The following CEP250 variants were observed in gnomAD, a reference collection of about 807,000 sequenced individuals.
The protein encoded by CEP250 is centrosomal protein 250, also known as centrosome-associated protein CEP250.
A neutral mutation model predicts 315.7 loss-of-function variants in CEP250; 242 were observed. That is an observed-to-expected ratio of 0.77 (90% CI 0.69 to 0.85). CEP250 has a LOEUF of 0.85. Among genes scored for constraint, CEP250 ranks in the 40% least tolerant of loss-of-function variants. The pLI is 0.00. For synonymous variants in CEP250, 1,088 were observed against 1,175.0 expected (o/e 0.93, Z 1.51); for missense variants, 2,515 against 2,886.4 (o/e 0.87, Z 2.95).
intron 20 of CEP250, chr20:35,480,999 G>C (rs938592349): frequency 2.0e-5 from 3 of 152,050 alleles, no homozygotes; most frequent in Admixed American, 6.6e-5. Flanking sequence ...TGCAACTGTG[G>C]ATGATATATA....
intron 32 of CEP250, 123 bp downstream of exon 32, chr20:35,508,313 GT>G (rs1158439347): frequency 1.8e-6 from 2 of 1,097,522 alleles, no homozygotes; most frequent in Admixed American, 2.4e-5. Flanking sequence ...TGAAAATTAA[GT>G]TTGTTTTTTT....
At chr20:35,465,687 T>G in intron 5 of CEP250, 56 bp from the exon 6 acceptor site, 1 of 1,305,108 alleles carries the variant, frequency 7.7e-7, no homozygotes, top group Non-Finnish European at 1.0e-6. Flanking sequence ...CTTAGGGAAC[T>G]GGTCTGAGTG....
chr20:35,487,486 AAG>A (rs1238272222), intron 20 of CEP250, among the ~76,000 whole-genome samples: 1 of 151,858 alleles, frequency 6.6e-6, no homozygotes, highest in African/African-American at 2.4e-5. Context: ...AAAAAAGAAA[AAG>A]AAACACTCTT....
intron 32 of CEP250, 113 bp from the exon 33 acceptor site, chr20:35,508,830 G>T: frequency 1.3e-6 from 1 of 799,206 alleles, no homozygotes; most frequent in South Asian, 1.7e-5. Context: ...CTCTTCCCAT[G>T]GTTACTGTCC....
rs1193239167 is a variant in CEP250, at chr20:35,517,783, C to T, written c.*6157C>T. ...AAAAAAAAAAATTAAAGAAGTTAAA[C>T]AGTGCCGGGCTTGGGGGCTCACGCC... On this transcript the variant is annotated 3_prime_UTR_variant, in exon 35 of 35. Transcript: ENST00000397527. 1 of 149,712 alleles carries T rather than the reference C, an allele frequency of 6.7e-6. No individual in the cohort carries two copies. Among genetic ancestry groups the T allele is most frequent in the Non-Finnish European group, 1.5e-5 (1 of 67,650 alleles). 9.3% of individuals were successfully genotyped at this position (149,712 alleles called of 1,614,324 possible). A position where few individuals can be genotyped will look rare whatever the true frequency, so the allele number is the denominator to read the frequency against.
Position 35,494,672 on chromosome 20 carries a change from C to T in CEP250, c.3167+15C>T, listed in dbSNP as rs370930613. On this transcript the variant is annotated intron_variant, in intron 24 of 34. Coordinates refer to ENST00000397527, the MANE Select transcript of CEP250 (RefSeq NM_007186.6). ...GAGAAAGCCAGGTAGGCTAGATAGG[C>T]CATGGAGGTGGCTTTTGTCTATCTG... The T allele has an allele frequency of 1.2e-6, 2 of 1,613,034 alleles. No homozygotes were observed. Among genetic ancestry groups the T allele is most frequent in the Non-Finnish European group, 1.7e-6 (2 of 1,179,618 alleles).
rs531261414 is a variant in CEP250, at chr20:35,490,900, G to A, written c.2754+96G>A. 12 of 1,436,252 alleles carry A rather than the reference G, an allele frequency of 8.4e-6. No individual in the cohort carries two copies. The East Asian group carries it at 2.3e-4, about 27-fold the overall frequency. The allele number at this position is 1,436,252 out of a possible 1,614,324, so 89.0% of individuals were successfully genotyped here. On this transcript the variant is annotated intron_variant, in intron 21 of 34. Coordinates refer to ENST00000397527, the MANE Select transcript of CEP250 (RefSeq NM_007186.6). ...ACTCCCAAGAGGAGTGCTGCAGAGG[G>A]GCTTCCAGAAGAGAGGGTAGCTACC...
Position 35,496,732 on chromosome 20 carries a change from T to A in CEP250, c.3306+17T>A, listed in dbSNP as rs755605801. The stretch of plus-strand genomic sequence containing the variant: ...AGTGCTCAGGTACTTCCCACTCTGG[T>A]TATGAGCTCTGCATCCCTGGCAGAA... On this transcript the variant is annotated intron_variant, in intron 25 of 34. Coordinates refer to ENST00000397527, the MANE Select transcript of CEP250 (RefSeq NM_007186.6). The A allele has an allele frequency of 1.9e-5, 30 of 1,607,862 alleles. No individual in the cohort carries two copies. Among genetic ancestry groups the A allele is most frequent in the Middle Eastern group, 3.4e-4 (2 of 5,962 alleles).
In CEP250 at chr20:35,480,164, C is replaced by T. The variant is rs8118913; in HGVS notation, c.2586+19C>T. 2.6e-3 allele frequency: 4,147 copies of T among 1,599,346 alleles called. 92 individuals carry two copies. The African/African-American group carries it at 0.047, about 18-fold the overall frequency. ...GAAATGGGTAAGTGGTCAATGTGGC[C>T]GGGTATGGCCTCCCTTCCATGAGTG... On this transcript the variant is annotated intron_variant, in intron 20 of 34. Coordinates refer to ENST00000397527, the MANE Select transcript of CEP250 (RefSeq NM_007186.6).
chr20:35,488,089 G>C (rs1394633556), intron 20 of CEP250, among the ~76,000 whole-genome samples: 1 of 152,212 alleles, frequency 6.6e-6, no homozygotes, highest in African/African-American at 2.4e-5. Context: ...GTGGTGTAAA[G>C]GTGGCACTTT....
chr20:35,472,736 G>A lies in CEP250; in HGVS notation c.1114G>A (p.Asp372Asn). 1.2e-6 allele frequency: 2 copies of A among 1,614,130 alleles called. No homozygotes were observed. Among genetic ancestry groups the A allele is most frequent in the Non-Finnish European group, 1.7e-6 (2 of 1,179,980 alleles). The change falls in exon 12 of 35, where the codon GAC becomes AAC. Residue 372 changes from aspartate to asparagine, a missense_variant. Physicochemically the swap from Asp to Asn is conservative, Grantham distance 23. Transcript: ENST00000397527. ...GSGHENSLEL[D>N]SSIFSQFDYQ... ...TGGTCATGAGAACTCTTTGGAATTGGACTCTAGTATCTTCTCCCAGTTTGA... is the reference window on the plus strand; with the variant it reads ...TGGTCATGAGAACTCTTTGGAATTGAACTCTAGTATCTTCTCCCAGTTTGA...
chr20:35,485,907 C>T (rs1338162729), intron 20 of CEP250, among the ~76,000 whole-genome samples: 1 of 149,962 alleles, frequency 6.7e-6, no homozygotes, highest in Non-Finnish European at 1.5e-5. Context: ...GGTAATCTGC[C>T]CACCTTGGCC....
intron 30 of CEP250, among the ~76,000 whole-genome samples, chr20:35,507,382 GGCCACTGGGTAC>G (rs1377636074): frequency 6.6e-6 from 1 of 152,100 alleles, no homozygotes; most frequent in Non-Finnish European, 1.5e-5. Flanking sequence ...TGGCTATATG[GGCCACTGGGTAC>G]GCCACAGGGC....
Position 35,503,043 on chromosome 20 carries a change from G to A in CEP250, c.4674G>A (p.Leu1558=). ...LKKQLVTLEC[L]ALELEENHHK... ...AGCAGTTGGTTACTCTGGAATGCCT[G>A]GCCCTGGAACTGGAGGAAAACCATC... The change falls in exon 30 of 35, where the codon CTG becomes CTA. Residue 1558 remains leucine, a synonymous_variant. Transcript: ENST00000397527. This position sits in a 1 kb window ranked among gnomAD's most constrained non-coding sequence, Gnocchi z 4.2. 1 of 1,614,204 alleles carries A rather than the reference G, an allele frequency of 6.2e-7. No individual in the cohort carries two copies.
chr20:35,503,199 G>A lies in CEP250; in HGVS notation c.4830G>A (p.Gln1610=), dbSNP rs779375948. The change falls in exon 30 of 35, where the codon CAG becomes CAA. Residue 1610 remains glutamine (Q), a synonymous_variant. Coordinates refer to ENST00000397527, the MANE Select transcript of CEP250 (RefSeq NM_007186.6). The surrounding 1 kb of genome is among the most constrained non-coding windows in gnomAD (Gnocchi z 4.2). Reference sequence around the variant, plus strand: ...AGGAGCTGCAGGCACAAAGCAGCCAGATCCATGACCTGGAGAGCCACAGCA... The same window carrying A: ...AGGAGCTGCAGGCACAAAGCAGCCAAATCCATGACCTGGAGAGCCACAGCA... ...RSQELQAQSS[Q]IHDLESHSTV... The A allele has an allele frequency of 6.2e-7, 1 of 1,614,162 alleles. No homozygotes were observed. The highest frequency in any genetic ancestry group is 8.5e-7 in the Non-Finnish European group (1 of 1,180,014).
intron 7 of CEP250, 48 bp downstream of exon 7, chr20:35,466,252 G>T (rs754140208): frequency 1.6e-5 from 24 of 1,543,628 alleles, no homozygotes; most frequent in Non-Finnish European, 3.5e-6. Flanking sequence ...TGTGTATTCT[G>T]GATGCTGCCC....
Position 35,516,879 on chromosome 20 carries a change from T to C in CEP250, c.*5253T>C, listed in dbSNP as rs2064440845. ...CATCCAGAAGCAATGGCAGGTGTTA[T>C]CCATTCATTCAGGTTAGACCTCTGA... On this transcript the variant is annotated 3_prime_UTR_variant, in exon 35 of 35. Coordinates refer to ENST00000397527, the MANE Select transcript of CEP250 (RefSeq NM_007186.6). The C allele has an allele frequency of 1.9e-6, 1 of 539,144 alleles. No homozygotes were observed. Among genetic ancestry groups the C allele is most frequent in the Non-Finnish European group, 2.4e-6 (1 of 421,970 alleles). The allele number at this position is 539,144 out of a possible 1,614,324, so 33.4% of individuals were successfully genotyped here. A position where few individuals can be genotyped will look rare whatever the true frequency, so the allele number is the denominator to read the frequency against.
At chr20:35,472,650 G>A (rs1233214542) in intron 11 of CEP250, 23 bp from the exon 12 acceptor site, 12 of 1,613,568 alleles carry the variant, frequency 7.4e-6, no homozygotes, top group Middle Eastern at 1.6e-4. Context: ...GTAGGGTGGT[G>A]ACCTTGCTGT....
At chr20:35,505,652 CAAAAAAAAAAA>C (rs57141703) in intron 30 of CEP250, among the ~76,000 whole-genome samples, 2 of 103,204 alleles carry the variant, frequency 1.9e-5, no homozygotes, top group Admixed American at 2.1e-4. Context: ...GACTCCATCT[CAAAAAAAAAAA>C]AAAAAAAATA....
Sources: gnomAD v4.1 joint callset for allele counts (sites outside exome capture counted in the v4.1 genomes callset) on GRCh38, gnomAD v4.1.1 for gene constraint, Gnocchi (gnomAD v3.1) non-coding constraint, MANE v1.5 for transcripts, NCBI Gene and HGNC (gene_info 2026-07-23, HGNC 2026-07-21) for gene names.